The following LRMDA variants were observed in gnomAD, a reference collection of about 807,000 sequenced individuals.
LRMDA encodes the protein leucine rich melanocyte differentiation associated, also known as leucine-rich melanocyte differentiation-associated protein.
Under a neutral mutation model 29.8 loss-of-function variants are expected in LRMDA, and 18 were observed. The ratio of observed to expected loss-of-function variants is 0.60; its 90% CI spans 0.42 to 0.90. The LOEUF (loss-of-function observed/expected upper bound fraction) is 0.90, where lower values mean the gene tolerates loss of function less well. LRMDA is among the 40% of genes least tolerant of loss of function. LRMDA has a pLI of 0.00. For missense variants in LRMDA, 273 were observed against 273.9 expected, an observed-to-expected ratio of 1.00 and a Z score of 0.02; for synonymous variants, 125 against 109.4, an observed-to-expected ratio of 1.14 and a Z score of -0.89.
chr10:76,438,872 G>A (rs1842272068), intron 6 of LRMDA: 1 of 152,086 alleles, frequency 6.6e-6, no homozygotes, highest in Non-Finnish European at 1.5e-5. Context: ...CAAACATGCA[G>A]ACTCTTTTTT....
intron 2 of LRMDA, among the ~76,000 whole-genome samples, chr10:75,905,315 A>AT (rs150685708): frequency 1.8e-3 from 260 of 147,468 alleles, no homozygotes; most frequent in Admixed American, 2.8e-3. Flanking sequence ...ATGGTAACTG[A>AT]TTTTTTTTTA....
chr10:76,470,911 C>CA (rs1292988510), intron 6 of LRMDA, among the ~76,000 whole-genome samples: 1 of 151,780 alleles, frequency 6.6e-6, no homozygotes, highest in African/African-American at 2.4e-5. Context: ...ACAATAATGA[C>CA]AAAAATGGTA....
chr10:75,751,284 C>T (rs948799758), intron 2 of LRMDA, among the ~76,000 whole-genome samples: 3 of 150,880 alleles, frequency 2.0e-5, no homozygotes, highest in African/African-American at 2.4e-5. Flanking sequence ...AGCCTCGGCT[C>T]GGCATCAGAG....
intron 6 of LRMDA, among the ~76,000 whole-genome samples, chr10:76,338,389 TAAATAAATAATA>T (rs1430004548): frequency 6.9e-6 from 1 of 143,912 alleles, no homozygotes; most frequent in African/African-American, 2.6e-5. Flanking sequence ...AATAAATAAA[TAAATAAATAATA>T]AATAAATGGA....
At chr10:76,430,611 T>G (rs761106589) in intron 6 of LRMDA, among the ~76,000 whole-genome samples, 6 of 152,180 alleles carry the variant, frequency 3.9e-5, no homozygotes, top group African/African-American at 7.2e-5. Flanking sequence ...CTCTACTGTT[T>G]CCTCCTAGGG....
At chr10:75,982,869 C>G (rs1337132578) in intron 2 of LRMDA, among the ~76,000 whole-genome samples, 1 of 152,200 alleles carries the variant, frequency 6.6e-6, no homozygotes, top group East Asian at 1.9e-4. Flanking sequence ...AGGCATTGTT[C>G]TAGACAGGTC....
At chr10:75,759,575 G>T (rs180991138) in intron 2 of LRMDA, among the ~76,000 whole-genome samples, 5 of 152,272 alleles carry the variant, frequency 3.3e-5, no homozygotes, top group Non-Finnish European at 7.4e-5. Flanking sequence ...AGGCTAAGAA[G>T]CCCATTTATC....
chr10:76,226,708 T>G (rs1273700761), intron 5 of LRMDA, among the ~76,000 whole-genome samples: 1 of 152,146 alleles, frequency 6.6e-6, no homozygotes, highest in Non-Finnish European at 1.5e-5. Flanking sequence ...ATGTGGGGAT[T>G]ACAGTTTAAG....
intron 2 of LRMDA, among the ~76,000 whole-genome samples, chr10:75,656,708 A>G (rs1841679962): frequency 6.6e-6 from 1 of 152,148 alleles, no homozygotes. Context: ...TGCTTTTGTG[A>G]GCAGGTATCT....
intron 2 of LRMDA, chr10:75,782,791 C>T (rs377217275): frequency 2.0e-5 from 28 of 1,418,126 alleles, no homozygotes; most frequent in Middle Eastern, 2.4e-4. Context: ...CTGAAAGACC[C>T]GCAACTTTCA....
intron 2 of LRMDA, among the ~76,000 whole-genome samples, chr10:75,647,356 A>G (rs959078631): frequency 1.3e-5 from 2 of 152,206 alleles, no homozygotes; most frequent in African/African-American, 4.8e-5. Context: ...AGGAGACTCA[A>G]ACAGGCTGGG....
intron 5 of LRMDA, among the ~76,000 whole-genome samples, chr10:76,135,333 A>G (rs930164306): frequency 3.9e-5 from 6 of 152,302 alleles, no homozygotes; most frequent in African/African-American, 1.4e-4. Flanking sequence ...TGGTCCCTTT[A>G]AGGTGGACCT....
At chr10:75,845,213 T>G (rs932390648) in intron 2 of LRMDA, among the ~76,000 whole-genome samples, 7 of 152,116 alleles carry the variant, frequency 4.6e-5, no homozygotes, top group Non-Finnish European at 7.4e-5. Context: ...GCCACAGGTT[T>G]TTTTTTTAAA....
At chr10:75,940,630 G>A (rs1589260622) in intron 2 of LRMDA, among the ~76,000 whole-genome samples, 1 of 152,234 alleles carries the variant, frequency 6.6e-6, no homozygotes, top group Middle Eastern at 3.4e-3. Flanking sequence ...CTCCTTGCCT[G>A]TGAGTTCCTT....
At chr10:75,833,566 C>G (rs1272862463) in intron 2 of LRMDA, among the ~76,000 whole-genome samples, 1 of 152,148 alleles carries the variant, frequency 6.6e-6, no homozygotes, top group East Asian at 1.9e-4. Context: ...CACATCAATC[C>G]TACGTGAAGT....
intron 6 of LRMDA, among the ~76,000 whole-genome samples, chr10:76,545,405 C>G (rs1843408271): frequency 6.6e-6 from 1 of 151,420 alleles, no homozygotes; most frequent in Non-Finnish European, 1.5e-5. Context: ...AGGAGGACCC[C>G]CACTGCTCAG....
chr10:76,476,430 T>G (rs561852957), intron 6 of LRMDA, among the ~76,000 whole-genome samples: 6 of 151,984 alleles, frequency 3.9e-5, no homozygotes, highest in South Asian at 2.1e-4. Flanking sequence ...CCAAAAAAAG[T>G]CCAGAACCAG....
intron 2 of LRMDA, among the ~76,000 whole-genome samples, chr10:75,762,611 A>G (rs1238461583): frequency 6.6e-6 from 1 of 152,210 alleles, no homozygotes; most frequent in Non-Finnish European, 1.5e-5. Context: ...CTTAATGGCT[A>G]TATATCCTTG....
chr10:76,161,424 T>G (rs2031208427), intron 5 of LRMDA, among the ~76,000 whole-genome samples: 1 of 152,198 alleles, frequency 6.6e-6, no homozygotes, highest in African/African-American at 2.4e-5. Context: ...GAAATGAGAA[T>G]GCTGGTCACG....
Sources: gnomAD v4.1 joint callset for allele counts (sites outside exome capture counted in the v4.1 genomes callset) on GRCh38, gnomAD v4.1.1 for gene constraint, MANE v1.5 for transcripts, NCBI Gene and HGNC (gene_info 2026-07-23, HGNC 2026-07-21) for gene names.